Variants in UPP1 observed in about 807,000 individuals in gnomAD.
The protein encoded by UPP1 is uridine phosphorylase 1.
Under a neutral mutation model 29.6 loss-of-function variants are expected in UPP1, and 25 were observed. The ratio of observed to expected loss-of-function variants is 0.85; its 90% CI spans 0.62 to 1.18. UPP1 has a LOEUF of 1.18. UPP1 is among the 50% of genes most tolerant of loss of function. The pLI, the probability that UPP1 is intolerant of heterozygous loss-of-function variation, is 0.00. For missense variants in UPP1, 368 were observed against 410.4 expected (o/e 0.90, Z 0.89); for synonymous variants, 165 against 159.8 (o/e 1.03, Z -0.25).
intron 6 of UPP1, among the ~76,000 whole-genome samples, chr7:48,104,149 C>T (rs1446670821): frequency 2.0e-5 from 3 of 151,986 alleles, no homozygotes; most frequent in Non-Finnish European, 2.9e-5. Context: ...ACCCGGGAGG[C>T]GGAGGTTGCA....
At chr7:48,099,872 C>A in intron 4 of UPP1, 85 bp downstream of exon 4, 2 of 867,962 alleles carry the variant, frequency 2.3e-6, no homozygotes, top group Non-Finnish European at 3.8e-6. Flanking sequence ...CCCACAAATG[C>A]TTGAGAGACC....
chr7:48,104,100 C>T, intron 6 of UPP1: 1 of 299,088 alleles, frequency 3.3e-6, no homozygotes, highest in Non-Finnish European at 6.2e-6. Context: ...CGTCTGTAGT[C>T]CCAGCTGCTG....
chr7:48,107,441 G>A lies in UPP1; in HGVS notation c.727G>A (p.Gly243Ser), dbSNP rs139205217. Residue 243 changes from glycine (G) to serine (S), a missense_variant, in exon 8 of 9, where the codon GGC becomes AGC. By Grantham distance (56) the Gly-to-Ser change is moderately conservative. Transcript: ENST00000395564. ...QAYLEAAYAA[G>S]VRNIEMESSV... is the part of the protein sequence containing the mutation. ...GTATCTGGAGGCAGCCTATGCAGCCGGCGTCCGCAATATCGAGATGGAGTC... is the reference window on the plus strand; with the variant it reads ...GTATCTGGAGGCAGCCTATGCAGCCAGCGTCCGCAATATCGAGATGGAGTC... The A allele has an allele frequency of 3.5e-5, 56 of 1,614,054 alleles. No individual in the cohort carries two copies. The highest frequency in any genetic ancestry group is 5.3e-5 in the African/African-American group (4 of 74,932).
chr7:48,108,080 C>A, intron 8 of UPP1, 138 bp from the exon 9 acceptor site: 1 of 1,310,150 alleles, frequency 7.6e-7, no homozygotes, highest in Non-Finnish European at 1.1e-6. Flanking sequence ...TCCTCCGGCC[C>A]CGCCTGACTG....
At chr7:48,094,940 T>C in intron 3 of UPP1, 113 bp downstream of exon 3, 1 of 1,281,362 alleles carries the variant, frequency 7.8e-7, no homozygotes, top group Non-Finnish European at 1.1e-6. Context: ...CATTTGATGC[T>C]TGTGAAAGAG....
rs906873141 is a variant in UPP1 at position 48,094,109 on chromosome 7, G to A, written c.-21-654G>A. Among the ~76,000 whole-genome samples the A allele has an allele frequency of 4.6e-5, 7 of 152,218 alleles. 1 individual carries two copies. Among genetic ancestry groups the A allele is most frequent in the African/African-American group, 2.4e-5 (1 of 41,544 alleles). ...TGGGAGGCGGAGGTTGCAGTGAGCC[G>A]AGATGGCACCACTGCACTCCAGCCT... On this transcript the variant is annotated intron_variant, in intron 2 of 8. Coordinates refer to ENST00000395564, the MANE Select transcript of UPP1 (RefSeq NM_003364.4).
In UPP1 at chr7:48,101,933, G is replaced by C; in HGVS notation, c.272G>C (p.Gly91Ala). 1.9e-6 allele frequency: 3 copies of C among 1,614,026 alleles called. No individual in the cohort carries two copies. The highest frequency in any genetic ancestry group is 2.5e-6 in the Non-Finnish European group (3 of 1,179,996). ...AGAGACTATCCCAACATCTGTGCGG[G>C]AACTGACCGCTATGCCATGTATAAA... Reference protein sequence around the residue: ...PGRDYPNICAGTDRYAMYKVG... With the variant: ...PGRDYPNICAATDRYAMYKVG... Residue 91 changes from glycine (G) to alanine (A), a missense_variant, in exon 5 of 9, where the codon GGA becomes GCA. Coordinates refer to ENST00000395564, the MANE Select transcript of UPP1 (RefSeq NM_003364.4).
chr7:48,091,360 ACT>A (rs1791824153), intron 2 of UPP1, among the ~76,000 whole-genome samples: 1 of 150,338 alleles, frequency 6.7e-6, no homozygotes, highest in South Asian at 2.1e-4. Flanking sequence ...CACCGAAAAG[ACT>A]CTTCCTTGGG....
chr7:48,099,087 C>G (rs1183584361), intron 3 of UPP1, among the ~76,000 whole-genome samples: 1 of 152,174 alleles, frequency 6.6e-6, no homozygotes, highest in African/African-American at 2.4e-5. Context: ...TTGCTCTAGA[C>G]CAGCATGTGC....
At chr7:48,090,832 A>C (rs997569704) in intron 2 of UPP1, among the ~76,000 whole-genome samples, 1 of 152,048 alleles carries the variant, frequency 6.6e-6, no homozygotes, top group Non-Finnish European at 1.5e-5. Context: ...AAACCTCATC[A>C]CCGCAGACCG....
At position 48,108,616 on chromosome 7, in the gene UPP1, A is replaced by C. The variant is rs1012126972; in HGVS notation, c.*259A>C. The C allele has an allele frequency of 3.6e-5, 12 of 332,956 alleles. No homozygotes were observed. The highest frequency in any genetic ancestry group is 5.8e-5 in the Non-Finnish European group (11 of 189,632). 20.6% of individuals were successfully genotyped at this position (332,956 alleles called of 1,614,324 possible). The stretch of plus-strand genomic sequence containing the variant: ...TCTACCAAATTTTTGTACTATTTCT[A>C]GGGAAATTTTTCAGACTTTAAAATT... On this transcript the variant is annotated 3_prime_UTR_variant, in exon 9 of 9. Coordinates refer to ENST00000395564, the MANE Select transcript of UPP1 (RefSeq NM_003364.4).
At position 48,106,969 on chromosome 7, in the gene UPP1, G is replaced by A. The variant is rs775387011; in HGVS notation, c.533G>A (p.Arg178Gln). 2.7e-5 allele frequency: 44 copies of A among 1,613,236 alleles called. No homozygotes were observed. Among genetic ancestry groups the A allele is most frequent in the Non-Finnish European group, 3.6e-5 (43 of 1,180,010 alleles). The change falls in exon 7 of 9, where the codon CGG (arginine) becomes CAG (glutamine). Residue 178 changes from arginine to glutamine, a missense_variant. Coordinates refer to ENST00000395564, the MANE Select transcript of UPP1 (RefSeq NM_003364.4). ...ATTGTCCTGGGGAAGCGGGTCATCC[G>A]GAAAACGGACCTTAACAAGAAGCTG... The part of the protein sequence containing the change: ...EQIVLGKRVI[R>Q]KTDLNKKLVQ...
At chr7:48,100,282 A>G (rs1315211034) in intron 4 of UPP1, among the ~76,000 whole-genome samples, 1 of 152,222 alleles carries the variant, frequency 6.6e-6, no homozygotes, top group Non-Finnish European at 1.5e-5. Flanking sequence ...TCATGGTATT[A>G]TATAATTTTC....
At chr7:48,093,339 C>T (rs944548356) in intron 2 of UPP1, among the ~76,000 whole-genome samples, 1 of 152,200 alleles carries the variant, frequency 6.6e-6, no homozygotes, top group African/African-American at 2.4e-5. Context: ...TGCTGAGTTA[C>T]GAAGGTGAGA....
chr7:48,100,176 A>C (rs1034633589), intron 4 of UPP1, among the ~76,000 whole-genome samples: 7 of 152,222 alleles, frequency 4.6e-5, no homozygotes, highest in African/African-American at 1.7e-4. Flanking sequence ...AAACCTCTAT[A>C]GCATGTGAGT....
At chr7:48,107,297 G>C in intron 7 of UPP1, 64 bp from the exon 8 acceptor site, 1 of 1,544,452 alleles carries the variant, frequency 6.5e-7, no homozygotes, top group Non-Finnish European at 8.8e-7. Context: ...GGCATCAGTG[G>C]CGCTGATGTG....
At chr7:48,105,088 G>C (rs891505670) in intron 6 of UPP1, 1 of 152,374 alleles carries the variant, frequency 6.6e-6, no homozygotes, top group Non-Finnish European at 1.5e-5. Flanking sequence ...TGCTCAGGGG[G>C]AAGCTCAAGG....
intron 4 of UPP1, 93 bp from the exon 5 acceptor site, chr7:48,101,731 T>C (rs1304606711): frequency 1.6e-5 from 22 of 1,354,038 alleles, no homozygotes; most frequent in Non-Finnish European, 2.1e-5. Flanking sequence ...AGCAAGTTCA[T>C]TGGTAATACT....
At chr7:48,094,200 G>A (rs904128747) in intron 2 of UPP1, among the ~76,000 whole-genome samples, 2 of 151,966 alleles carry the variant, frequency 1.3e-5, no homozygotes, top group African/African-American at 4.8e-5. Context: ...TGTTGGGTCA[G>A]TGAGTCTTGA....
Sources: gnomAD v4.1 joint callset for allele counts (sites outside exome capture counted in the v4.1 genomes callset) on GRCh38, gnomAD v4.1.1 for gene constraint, MANE v1.5 for transcripts, NCBI Gene and HGNC (gene_info 2026-07-23, HGNC 2026-07-21) for gene names.